The following H6PD variants were observed in gnomAD, a reference collection of about 807,000 sequenced individuals.
The protein encoded by H6PD is GDH/6PGL endoplasmic bifunctional protein.
In H6PD, 48 loss-of-function variants were observed where a neutral mutation model predicts 61.2. The observed-to-expected ratio is 0.78, with a 90% confidence interval of 0.62 to 1.00. The LOEUF (loss-of-function observed/expected upper bound fraction) is 1.00. H6PD is among the 50% of genes least tolerant of loss of function. The pLI, the probability that H6PD is intolerant of heterozygous loss-of-function variation, is 0.00. For synonymous variants in H6PD, 480 were observed against 457.9 expected, an observed-to-expected ratio of 1.05 and a Z score of -0.62; for missense variants, 1,093 against 1,065.0, an observed-to-expected ratio of 1.03 and a Z score of -0.37.
In H6PD at chr1:9,264,423, G is replaced by A. The variant is rs374802298; in HGVS notation, c.1930G>A (p.Val644Ile). Residue 644 changes from valine (V) to isoleucine (I), a missense_variant, in exon 5 of 5, where the codon GTC becomes ATC. Val to Ile is a conservative substitution (Grantham distance 29). Coordinates refer to ENST00000377403, the MANE Select transcript of H6PD (RefSeq NM_004285.4). ...QGLQAHLLQH[V>I]RIPYYNIHPM... ...CCTGCAGGCCCACCTGCTGCAGCAC[G>A]TCCGGATCCCCTACTACAACATCCA... 1.4e-4 allele frequency: 225 copies of A among 1,613,090 alleles called. No homozygotes were observed. In the Middle Eastern group the frequency reaches 1.6e-3, roughly 12 times the overall value.
At position 9,263,881 on chromosome 1, in the gene H6PD, C is replaced by T. The variant is rs748929180; in HGVS notation, c.1388C>T (p.Ser463Phe). The stretch of plus-strand genomic sequence containing the variant: ...CGGGACGCCCACTCCGTCCTCTTAT[C>T]CCATATCTTCCATGGCCGGAAGAAT... ...RERDAHSVLL[S>F]HIFHGRKNFF... The change falls in exon 5 of 5, where the codon TCC becomes TTC. Residue 463 changes from serine (S) to phenylalanine (F), a missense_variant. By Grantham distance (155) the Ser-to-Phe change is radical. Coordinates refer to ENST00000377403, the MANE Select transcript of H6PD (RefSeq NM_004285.4). The T allele has an allele frequency of 6.2e-7, 1 of 1,614,130 alleles. No individual in the cohort carries two copies. Among genetic ancestry groups the T allele is most frequent in the Admixed American group, 1.7e-5 (1 of 60,034 alleles).
intron 3 of H6PD, among the ~76,000 whole-genome samples, chr1:9,255,371 T>G (rs1046047924): frequency 8.5e-5 from 13 of 152,156 alleles, no homozygotes; most frequent in African/African-American, 2.7e-4. Context: ...AGCCTCGACC[T>G]CCTAGGCTTA....
At position 9,245,621 on chromosome 1, in the gene H6PD, C is replaced by G. The variant is rs1641149760; in HGVS notation, c.627+60C>G. On this transcript the variant is annotated intron_variant, in intron 2 of 4. Transcript: ENST00000377403. The surrounding 1 kb of genome is among the most constrained non-coding windows in gnomAD (Gnocchi z 4.8). Reference sequence around the variant, plus strand: ...TGAGCTGGGCGCTGGTAGACCCCAGCAACAAAGCCGCTCGCTCATTGTGGA... The same window carrying G: ...TGAGCTGGGCGCTGGTAGACCCCAGGAACAAAGCCGCTCGCTCATTGTGGA... 2 of 1,531,962 alleles carry G rather than the reference C, an allele frequency of 1.3e-6. No individual in the cohort carries two copies. Among genetic ancestry groups the G allele is most frequent in the South Asian group, 2.2e-5 (2 of 89,020 alleles). The allele number at this position is 1,531,962 out of a possible 1,614,324, so 94.9% of individuals were successfully genotyped here. A position where few individuals can be genotyped will look rare whatever the true frequency, so the allele number is the denominator to read the frequency against.
chr1:9,241,597 G>C (rs535764700), intron 1 of H6PD, among the ~76,000 whole-genome samples: 2 of 152,054 alleles, frequency 1.3e-5, no homozygotes, highest in African/African-American at 4.8e-5. Context: ...TGGGGGTCTC[G>C]CTGTGTTGCC....
chr1:9,238,108 T>G (rs1640900871), intron 1 of H6PD, among the ~76,000 whole-genome samples: 1 of 152,072 alleles, frequency 6.6e-6, no homozygotes, highest in Non-Finnish European at 1.5e-5. Context: ...TGAGTAAGCC[T>G]CACTGAGAAG....
chr1:9,262,430 G>T (rs1292515507), intron 4 of H6PD, 102 bp downstream of exon 4: 1 of 1,123,128 alleles, frequency 8.9e-7, no homozygotes, highest in African/African-American at 1.5e-5. Flanking sequence ...GACTTGAGGT[G>T]GGATTTCCCC....
At position 9,257,970 on chromosome 1, in the gene H6PD, G is replaced by T. The variant is rs146358965; in HGVS notation, c.746-4089G>T. 1.1e-3 allele frequency among the ~76,000 whole-genome samples: 165 copies of T among 152,384 alleles called. 1 individual carries two copies. Among genetic ancestry groups the T allele is most frequent in the Non-Finnish European group, 1.8e-3 (121 of 68,038 alleles). ...TCACCGATAATCAGTGCTCACCGGG[G>T]TTCAGCCTCAGAGGAGGGAGTGGAG... On this transcript the variant is annotated intron_variant, in intron 3 of 4. Coordinates refer to ENST00000377403, the MANE Select transcript of H6PD (RefSeq NM_004285.4).
At chr1:9,237,795 G>A (rs751474278) in intron 1 of H6PD, among the ~76,000 whole-genome samples, 10 of 152,164 alleles carry the variant, frequency 6.6e-5, no homozygotes, top group African/African-American at 1.4e-4. Flanking sequence ...CCTTTGTGCC[G>A]TATTTCAAAT....
In H6PD at chr1:9,263,928, T is replaced by C; in HGVS notation, c.1435T>C (p.Leu479=). The C allele has an allele frequency of 3.1e-6, 5 of 1,614,166 alleles. No homozygotes were observed. The highest frequency in any genetic ancestry group is 4.2e-6 in the Non-Finnish European group (5 of 1,180,026). ...GAATTTCTTCATCACCACAGAGAAC[T>C]TGCTGGCCTCCTGGAACTTCTGGAC... The part of the protein sequence containing the change: ...RKNFFITTEN[L]LASWNFWTPL... Residue 479 remains leucine (L), a synonymous_variant, in exon 5 of 5, where the codon TTG becomes CTG. Coordinates refer to ENST00000377403, the MANE Select transcript of H6PD (RefSeq NM_004285.4).
chr1:9,244,787 A>G, intron 1 of H6PD, 138 bp from the exon 2 acceptor site: 2 of 814,712 alleles, frequency 2.5e-6, no homozygotes, highest in East Asian at 2.6e-5. Context: ...GGGAGGGACA[A>G]GCTGTGGGCT....
Position 9,264,825 on chromosome 1 carries a change from G to A in H6PD, c.2332G>A (p.Gly778Ser), listed in dbSNP as rs772793248. The change falls in exon 5 of 5, where the codon GGC becomes AGC. Residue 778 changes from glycine (G) to serine (S), a missense_variant. Gly to Ser is a moderately conservative substitution (Grantham distance 56, BLOSUM62 0). Transcript: ENST00000377403. Reference protein sequence around the residue: ...WPISGVLPHSGQLVWYMDYDA... With the variant: ...WPISGVLPHSSQLVWYMDYDA... ...CATCTCGGGTGTCCTGCCGCACTCC[G>A]GCCAGCTGGTGTGGTACATGGACTA... is the stretch of plus-strand genomic sequence containing the variant. 6.2e-5 allele frequency: 100 copies of A among 1,612,518 alleles called. No individual in the cohort carries two copies. Among genetic ancestry groups the A allele is most frequent in the Non-Finnish European group, 7.4e-5 (87 of 1,180,030 alleles).
At chr1:9,261,857 T>C (rs946109071) in intron 3 of H6PD, among the ~76,000 whole-genome samples, 1 of 152,204 alleles carries the variant, frequency 6.6e-6, no homozygotes, top group Non-Finnish European at 1.5e-5. Context: ...GTAGTTCTCA[T>C]TGACAGAGGT....
At chr1:9,243,809 G>A (rs1641073084) in intron 1 of H6PD, among the ~76,000 whole-genome samples, 1 of 150,294 alleles carries the variant, frequency 6.7e-6, no homozygotes, top group East Asian at 2.0e-4. Context: ...CCTCACCTTG[G>A]GTTGGTCACT....
rs1641147824 is a variant in H6PD, at chr1:9,245,564, G to A, written c.627+3G>A. The A allele has an allele frequency of 6.2e-7, 1 of 1,613,910 alleles. No homozygotes were observed. ...TGGACCATTACTTAGGCAAGCAGGT[G>A]AGCATCAGCATGGAGCCTGCCAGGG... On this transcript the variant is annotated splice_donor_region_variant and intron_variant, in intron 2 of 4. Transcript: ENST00000377403. This position sits in a 1 kb window ranked among gnomAD's most constrained non-coding sequence, Gnocchi z 4.8.
intron 3 of H6PD, among the ~76,000 whole-genome samples, chr1:9,258,213 T>G (rs1641583287): frequency 6.6e-6 from 1 of 152,164 alleles, no homozygotes; most frequent in African/African-American, 2.4e-5. Flanking sequence ...GCCAGTGTTG[T>G]TATGTTGCTG....
chr1:9,264,956 C>A lies in H6PD; in HGVS notation c.*87C>A. 7.0e-7 allele frequency: 1 copy of A among 1,427,084 alleles called. No individual in the cohort carries two copies. The highest frequency in any genetic ancestry group is 9.7e-7 in the Non-Finnish European group (1 of 1,032,040). The allele number at this position is 1,427,084 out of a possible 1,614,324, so 88.4% of individuals were successfully genotyped here. Reference sequence around the variant, plus strand: ...CTTCTCGGCCCCGCCACCTGCCCAGCGTGCCCTGGCTCTCCAGAACCTTCT... The same window carrying A: ...CTTCTCGGCCCCGCCACCTGCCCAGAGTGCCCTGGCTCTCCAGAACCTTCT... On this transcript the variant is annotated 3_prime_UTR_variant, in exon 5 of 5. Coordinates refer to ENST00000377403, the MANE Select transcript of H6PD (RefSeq NM_004285.4).
At chr1:9,260,141 T>G (rs1641674283) in intron 3 of H6PD, among the ~76,000 whole-genome samples, 1 of 151,214 alleles carries the variant, frequency 6.6e-6, no homozygotes, top group Non-Finnish European at 1.5e-5. Context: ...TGCTGTTAGC[T>G]GGTGTTATAT....
chr1:9,264,297 C>T lies in H6PD; in HGVS notation c.1804C>T (p.Leu602=). 1.2e-6 allele frequency: 2 copies of T among 1,610,948 alleles called. No individual in the cohort carries two copies. The highest frequency in any genetic ancestry group is 1.7e-6 in the Non-Finnish European group (2 of 1,179,640). ...GSSPVALFQQ[L]ATAHYGFPWA... is the part of the protein sequence containing the mutation. ...GAGCCCCGTGGCCCTGTTCCAGCAG[C>T]TGGCCACGGCGCACTATGGCTTCCC... The change falls in exon 5 of 5, where the codon CTG becomes TTG. Residue 602 remains leucine, a synonymous_variant. Coordinates refer to ENST00000377403, the MANE Select transcript of H6PD (RefSeq NM_004285.4).
At position 9,264,422 on chromosome 1, in the gene H6PD, C is replaced by G. The variant is rs139743824; in HGVS notation, c.1929C>G (p.His643Gln). 3 of 1,613,044 alleles carry G rather than the reference C, an allele frequency of 1.9e-6. No individual in the cohort carries two copies. In the East Asian group the frequency reaches 6.7e-5, roughly 36 times the overall value. The change falls in exon 5 of 5, where the codon CAC (histidine) becomes CAG (glutamine). Residue 643 changes from histidine (H) to glutamine (Q), a missense_variant. Transcript: ENST00000377403. ...GCCTGCAGGCCCACCTGCTGCAGCA[C>G]GTCCGGATCCCCTACTACAACATCC... ...FQGLQAHLLQHVRIPYYNIHP... is the reference protein window; with the variant it reads ...FQGLQAHLLQQVRIPYYNIHP...
Sources: allele counts gnomAD v4.1 joint callset (sites outside exome capture counted in the v4.1 genomes callset), GRCh38; gene constraint gnomAD v4.1.1; non-coding constraint Gnocchi (gnomAD v3.1); transcripts MANE v1.5; gene names NCBI Gene and HGNC (gene_info 2026-07-23, HGNC 2026-07-21).